Variants in PDGFC observed in about 807,000 individuals in gnomAD.
PDGFC encodes the protein platelet-derived growth factor C.
Under a neutral mutation model 35.5 loss-of-function variants are expected in PDGFC, and 12 were observed. That is an observed-to-expected ratio of 0.34 (90% CI 0.22 to 0.55). PDGFC has a LOEUF of 0.55. Ranked by LOEUF, PDGFC falls within the 20% of genes least tolerant of loss-of-function variation. The probability of loss-of-function intolerance (pLI) is 0.91; values close to 1 mark genes in which losing one functional copy is unlikely to be tolerated. For synonymous variants in PDGFC, 159 were observed against 148.8 expected, an observed-to-expected ratio of 1.07 and a Z score of -0.50; for missense variants, 322 against 412.4, an observed-to-expected ratio of 0.78 and a Z score of 1.90.
At chr4:156,919,337 T>C (rs553934247) in intron 1 of PDGFC, among the ~76,000 whole-genome samples, 1 of 152,122 alleles carries the variant, frequency 6.6e-6, no homozygotes, top group Non-Finnish European at 1.5e-5. Flanking sequence ...ATAATCTTAA[T>C]CTGAGTAGAG....
chr4:156,953,190 C>T (rs550169320), intron 1 of PDGFC, among the ~76,000 whole-genome samples: 2 of 152,012 alleles, frequency 1.3e-5, no homozygotes, highest in East Asian at 1.9e-4. Flanking sequence ...ATCCTGTAAA[C>T]GAGAAAGCCT....
At chr4:156,957,437 A>C (rs146975461) in intron 1 of PDGFC, among the ~76,000 whole-genome samples, 1 of 151,924 alleles carries the variant, frequency 6.6e-6, no homozygotes, top group Admixed American at 6.6e-5. Flanking sequence ...CATTTTTTTC[A>C]GTCTCTGCTG....
chr4:156,819,340 A>T (rs546531571), intron 2 of PDGFC, among the ~76,000 whole-genome samples: 1 of 152,330 alleles, frequency 6.6e-6, no homozygotes, highest in East Asian at 1.9e-4. Context: ...AGAAAAGTCA[A>T]TGCCTGGCTT....
chr4:156,780,059 T>A (rs902014511), intron 3 of PDGFC, among the ~76,000 whole-genome samples: 2 of 151,144 alleles, frequency 1.3e-5, no homozygotes, highest in Non-Finnish European at 1.5e-5. Flanking sequence ...AATAACATAG[T>A]ACTAAGAATG....
chr4:156,825,804 C>T (rs1485302247), intron 2 of PDGFC, among the ~76,000 whole-genome samples: 1 of 151,634 alleles, frequency 6.6e-6, no homozygotes, highest in African/African-American at 2.4e-5. Flanking sequence ...CTTTGTATAG[C>T]TGAACAGTGT....
chr4:156,938,866 T>A (rs1731743155), intron 1 of PDGFC, among the ~76,000 whole-genome samples: 1 of 151,642 alleles, frequency 6.6e-6, no homozygotes, highest in Non-Finnish European at 1.5e-5. Context: ...TAAATACAAT[T>A]TATTTTATAT....
At chr4:156,834,022 AG>A (rs1440219425) in intron 2 of PDGFC, among the ~76,000 whole-genome samples, 4 of 152,182 alleles carry the variant, frequency 2.6e-5, no homozygotes, top group Non-Finnish European at 5.9e-5. Context: ...AAACATTGAG[AG>A]GTATCTTCTT....
At chr4:156,764,632 A>C (rs898813452) in intron 5 of PDGFC, among the ~76,000 whole-genome samples, 28 of 152,166 alleles carry the variant, frequency 1.8e-4, no homozygotes, top group African/African-American at 6.8e-4. Context: ...CTAAACTTTT[A>C]AAGTAGTTTT....
At chr4:156,830,312 T>C (rs1220229345) in intron 2 of PDGFC, among the ~76,000 whole-genome samples, 3 of 150,838 alleles carry the variant, frequency 2.0e-5, no homozygotes, top group South Asian at 2.1e-4. Flanking sequence ...GGCACTAGCA[T>C]TATACCATTC....
chr4:156,789,976 C>CAAAAAAAAAA (rs750843965), intron 3 of PDGFC, among the ~76,000 whole-genome samples: 2 of 55,932 alleles, frequency 3.6e-5, no homozygotes, highest in Non-Finnish European at 3.3e-5. Context: ...GTCTCCATCT[C>CAAAAAAAAAA]AAAAAAAAAA....
chr4:156,831,756 A>G (rs558602983), intron 2 of PDGFC, among the ~76,000 whole-genome samples: 1 of 151,786 alleles, frequency 6.6e-6, no homozygotes, highest in Non-Finnish European at 1.5e-5. Context: ...CTGTCTCTTG[A>G]AAAAAGAAAA....
At chr4:156,802,623 A>G (rs1348606890) in intron 3 of PDGFC, among the ~76,000 whole-genome samples, 1 of 152,010 alleles carries the variant, frequency 6.6e-6, no homozygotes, top group African/African-American at 2.4e-5. Flanking sequence ...TATTAGATAT[A>G]TACAATGCCA....
At chr4:156,779,006 G>C in intron 3 of PDGFC, 3 of 354,868 alleles carry the variant, frequency 8.5e-6, no homozygotes, top group South Asian at 6.4e-5. Flanking sequence ...TAAATGTCCA[G>C]CCTTGGGTAA....
intron 1 of PDGFC, among the ~76,000 whole-genome samples, chr4:156,854,088 C>T (rs531489424): frequency 1.3e-5 from 2 of 152,204 alleles, no homozygotes; most frequent in East Asian, 1.9e-4. Context: ...AAGTTTCTTC[C>T]GATAATCTAC....
At chr4:156,781,237 T>C (rs1730972682) in intron 3 of PDGFC, among the ~76,000 whole-genome samples, 1 of 152,142 alleles carries the variant, frequency 6.6e-6, no homozygotes, top group Non-Finnish European at 1.5e-5. Flanking sequence ...TCAATCTTCA[T>C]ACTATGTCTG....
At chr4:156,800,326 A>G (rs1047176037) in intron 3 of PDGFC, among the ~76,000 whole-genome samples, 1 of 152,194 alleles carries the variant, frequency 6.6e-6, no homozygotes, top group Non-Finnish European at 1.5e-5. Flanking sequence ...TTAGAAATAT[A>G]TAACACTAAT....
chr4:156,891,154 T>C (rs1050873772), intron 1 of PDGFC, among the ~76,000 whole-genome samples: 2 of 151,864 alleles, frequency 1.3e-5, no homozygotes, highest in Non-Finnish European at 2.9e-5. Context: ...GGTAAGTATT[T>C]ATGTAATTAA....
intron 1 of PDGFC, among the ~76,000 whole-genome samples, chr4:156,861,842 T>C (rs1729717484): frequency 6.6e-6 from 1 of 152,196 alleles, no homozygotes; most frequent in Admixed American, 6.5e-5. Context: ...AATTGCAGGT[T>C]ACTAGCCAGA....
At chr4:156,791,478 A>G (rs1308652112) in intron 3 of PDGFC, among the ~76,000 whole-genome samples, 13 of 152,082 alleles carry the variant, frequency 8.5e-5, no homozygotes, top group African/African-American at 1.9e-4. Flanking sequence ...AATCAAGCAT[A>G]TAGTAACAAC....
Sources: gnomAD v4.1 joint callset for allele counts (sites outside exome capture counted in the v4.1 genomes callset) on GRCh38, gnomAD v4.1.1 for gene constraint, MANE v1.5 for transcripts, NCBI Gene and HGNC (gene_info 2026-07-23, HGNC 2026-07-21) for gene names.